PCDH15: variants seen among roughly 807,000 people sequenced by gnomAD.
PCDH15 encodes protocadherin related 15.
In PCDH15, 129 loss-of-function variants were observed where a neutral mutation model predicts 178.5. The observed-to-expected ratio is 0.72, with a 90% CI of 0.63 to 0.84. The LOEUF (loss-of-function observed/expected upper bound fraction) is 0.84. Among genes scored for constraint, PCDH15 ranks in the 40% least tolerant of loss-of-function variants. The pLI is 0.00. For synonymous variants in PCDH15, 800 were observed against 732.0 expected (o/e 1.09, Z -1.50); for missense variants, 2,230 against 2,099.9 (o/e 1.06, Z -1.21).
At chr10:55,500,181 G>T (rs1180736705) in intron 2 of PCDH15, among the ~76,000 whole-genome samples, 4 of 151,604 alleles carry the variant, frequency 2.6e-5, no homozygotes, top group African/African-American at 9.7e-5. Context: ...AATGACTAAG[G>T]AAACAGGTAT....
At chr10:55,517,060 A>C (rs376120637) in intron 2 of PCDH15, among the ~76,000 whole-genome samples, 9 of 152,118 alleles carry the variant, frequency 5.9e-5, no homozygotes, top group Admixed American at 2.0e-4. Flanking sequence ...AGCTAAATTA[A>C]CTCACTAAAG....
intron 3 of PCDH15, among the ~76,000 whole-genome samples, chr10:54,495,728 A>G (rs2080048083): frequency 6.6e-6 from 1 of 152,088 alleles, no homozygotes; most frequent in African/African-American, 2.4e-5. Context: ...CCATCCATGC[A>G]ATATTTACTG....
intron 2 of PCDH15, among the ~76,000 whole-genome samples, chr10:55,594,904 T>C (rs1284908707): frequency 1.3e-5 from 2 of 152,066 alleles, no homozygotes; most frequent in African/African-American, 2.4e-5. Context: ...CAAAATTACA[T>C]ATGTACCTAA....
At chr10:53,840,101 C>T (rs1466049652) in intron 29 of PCDH15, among the ~76,000 whole-genome samples, 1 of 152,084 alleles carries the variant, frequency 6.6e-6, no homozygotes, top group East Asian at 1.9e-4. Context: ...ATCTGATGCC[C>T]ATAAAGAAAA....
At position 54,020,562 on chromosome 10, in the gene PCDH15, A is replaced by C. The variant is rs2135287499; in HGVS notation, c.2527-146T>G. 7 of 798,002 alleles carry C rather than the reference A, an allele frequency of 8.8e-6. No homozygotes were observed. In the South Asian group the frequency reaches 1.1e-4, roughly 13 times the overall value. The allele number at this position is 798,002 out of a possible 1,614,324, so 49.4% of individuals were successfully genotyped here. A position where few individuals can be genotyped will look rare whatever the true frequency, so the allele number is the denominator to read the frequency against. ...GTTTTTTGTTTTTGTTTTTTAAAAA[A>C]GCACATTATTTAATAATTTACCAGG... On this transcript the variant is annotated intron_variant, in intron 19 of 37. Coordinates refer to ENST00000644397, the MANE Select transcript of PCDH15 (RefSeq NM_001384140.1).
intron 2 of PCDH15, among the ~76,000 whole-genome samples, chr10:55,339,879 G>T (rs1439491343): frequency 6.6e-6 from 1 of 151,452 alleles, no homozygotes; most frequent in Non-Finnish European, 1.5e-5. Flanking sequence ...AGTCCACTTT[G>T]ACTAAGGAGG....
At chr10:55,412,747 G>T (rs564974444) in intron 2 of PCDH15, among the ~76,000 whole-genome samples, 1 of 151,794 alleles carries the variant, frequency 6.6e-6, no homozygotes, top group South Asian at 2.1e-4. Context: ...TAGAGAACCA[G>T]AATAATACGA....
At chr10:54,362,067 G>C (rs1946136396) in intron 5 of PCDH15, among the ~76,000 whole-genome samples, 1 of 152,016 alleles carries the variant, frequency 6.6e-6, no homozygotes, top group Admixed American at 6.6e-5. Flanking sequence ...CTATCTATAA[G>C]TACTAAGTAA....
intron 1 of PCDH15, among the ~76,000 whole-genome samples, chr10:54,760,420 C>T (rs1397503523): frequency 6.6e-6 from 1 of 152,094 alleles, no homozygotes; most frequent in Non-Finnish European, 1.5e-5. Flanking sequence ...CATCTCCTCC[C>T]ACACACACCA....
chr10:53,921,848 T>C (rs1377558704), intron 25 of PCDH15, among the ~76,000 whole-genome samples: 1 of 152,180 alleles, frequency 6.6e-6, no homozygotes, highest in Non-Finnish European at 1.5e-5. Context: ...AAAAATAGTT[T>C]GGAATGACCA....
intron 20 of PCDH15, among the ~76,000 whole-genome samples, chr10:54,008,548 C>T (rs2092460614): frequency 6.6e-6 from 1 of 152,090 alleles, no homozygotes; most frequent in African/African-American, 2.4e-5. Flanking sequence ...TCCATCAAAA[C>T]AAGCCAAGCA....
In PCDH15 at chr10:54,892,617, A is replaced by G. The variant is rs548751377; in HGVS notation, c.-29+4833T>C. 1.4e-4 allele frequency among the ~76,000 whole-genome samples: 21 copies of G among 152,034 alleles called. No individual in the cohort carries two copies. The Middle Eastern group carries it at 0.017, about 123-fold the overall frequency. On this transcript the variant is annotated intron_variant, in intron 3 of 5. Coordinates refer to the PCDH15 transcript ENST00000458638. Reference sequence around the variant, plus strand: ...TGAAAAAAAGAGTGATTATAAACCAATAATTAAACAAACAACATTGAGATG... The same window carrying G: ...TGAAAAAAAGAGTGATTATAAACCAGTAATTAAACAAACAACATTGAGATG...
chr10:55,307,715 C>T (rs1478110132), intron 1 of PCDH15, among the ~76,000 whole-genome samples: 1 of 151,704 alleles, frequency 6.6e-6, no homozygotes, highest in Non-Finnish European at 1.5e-5. Flanking sequence ...TCTTCTTGAT[C>T]CAACTTGCCC....
rs532243161 is a variant in PCDH15 at position 54,695,835 on chromosome 10, C to T, written c.-28-31545G>A. On this transcript the variant is annotated intron_variant, in intron 1 of 37. Coordinates refer to ENST00000644397, the MANE Select transcript of PCDH15 (RefSeq NM_001384140.1). ...AGATAGATATGAATATTAATTTTTTCCATTGGGGCTTCAAATGAATATTTA... is the reference window on the plus strand; with the variant it reads ...AGATAGATATGAATATTAATTTTTTTCATTGGGGCTTCAAATGAATATTTA... 2.0e-5 allele frequency among the ~76,000 whole-genome samples: 3 copies of T among 151,802 alleles called. No homozygotes were observed. In the South Asian group the frequency reaches 6.3e-4, roughly 32 times the overall value.
At chr10:54,180,955 T>C (rs1471431357) in intron 13 of PCDH15, among the ~76,000 whole-genome samples, 1 of 152,178 alleles carries the variant, frequency 6.6e-6, no homozygotes, top group African/African-American at 2.4e-5. Flanking sequence ...TTTTGTAGAC[T>C]TCAAATGAGG....
At chr10:54,294,028 T>C (rs1329496980) in intron 8 of PCDH15, among the ~76,000 whole-genome samples, 1 of 152,172 alleles carries the variant, frequency 6.6e-6, no homozygotes, top group African/African-American at 2.4e-5. Flanking sequence ...CGTATGTTTA[T>C]TGCAGCACTA....
intron 3 of PCDH15, among the ~76,000 whole-genome samples, chr10:54,423,116 C>T (rs896336651): frequency 6.6e-6 from 1 of 151,982 alleles, no homozygotes; most frequent in Admixed American, 6.6e-5. Context: ...TTCTATAAAA[C>T]TTCAGCAACC....
chr10:54,313,189 T>C (rs857373), intron 8 of PCDH15, among the ~76,000 whole-genome samples: 109,383 of 152,046 alleles, frequency 0.72, 40,210 homozygotes, highest in Middle Eastern at 0.82. Context: ...CCACTATCCT[T>C]AGGATCTTTC....
At chr10:54,171,543 C>T (rs954962543) in intron 13 of PCDH15, among the ~76,000 whole-genome samples, 13 of 152,240 alleles carry the variant, frequency 8.5e-5, no homozygotes, top group Admixed American at 4.6e-4. Flanking sequence ...CTCAACTACT[C>T]GTACATGCCC....
Sources: allele counts gnomAD v4.1 joint callset (sites outside exome capture counted in the v4.1 genomes callset), GRCh38; gene constraint gnomAD v4.1.1; transcripts MANE v1.5; gene names NCBI Gene and HGNC (gene_info 2026-07-23, HGNC 2026-07-21).